Variants in GNG12 observed in about 807,000 individuals in gnomAD.
The protein encoded by GNG12 is G protein subunit gamma 12, also known as guanine nucleotide-binding protein G(I)/G(S)/G(O) subunit gamma-12.
For missense variants in GNG12, 69 were observed against 83.8 expected, an observed-to-expected ratio of 0.82 and a Z score of 0.69; for synonymous variants, 28 against 29.7, an observed-to-expected ratio of 0.94 and a Z score of 0.19.
intron 2 of GNG12, among the ~76,000 whole-genome samples, chr1:67,726,932 T>C (rs1646389818): frequency 1.3e-5 from 2 of 152,214 alleles, no homozygotes; most frequent in African/African-American, 4.8e-5. Flanking sequence ...GCTCCTCTTC[T>C]GATGTCTGTT....
intron 1 of GNG12, among the ~76,000 whole-genome samples, chr1:67,799,936 G>A (rs949900633): frequency 6.6e-6 from 1 of 151,848 alleles, no homozygotes; most frequent in Non-Finnish European, 1.5e-5. Flanking sequence ...ACATGTTTTT[G>A]TAGTTTTAGT....
chr1:67,717,377 G>C lies in GNG12; in HGVS notation c.-26-9665C>G, dbSNP rs140469514. Among the ~76,000 whole-genome samples, 160 of 152,170 alleles carry C rather than the reference G, an allele frequency of 1.1e-3. 1 individual carries two copies. Among genetic ancestry groups the C allele is most frequent in the Non-Finnish European group, 1.7e-3 (118 of 68,004 alleles). ...TAAAAAAAGGAAAAATCAGCCGGGC[G>C]TGGTGGTGCATGCCTATAGTCCCAG... On this transcript the variant is annotated intron_variant, in intron 2 of 3. Coordinates refer to ENST00000370982, the MANE Select transcript of GNG12 (RefSeq NM_018841.6).
At chr1:67,735,146 G>A (rs962113924) in intron 2 of GNG12, among the ~76,000 whole-genome samples, 2 of 152,052 alleles carry the variant, frequency 1.3e-5, no homozygotes, top group South Asian at 2.1e-4. Context: ...ATGAGCCACC[G>A]CGCCTGGCCT....
At chr1:67,748,550 T>C (rs1166124144) in intron 2 of GNG12, among the ~76,000 whole-genome samples, 3 of 152,178 alleles carry the variant, frequency 2.0e-5, no homozygotes. Flanking sequence ...GAGGAAGAAG[T>C]GCAGCGTCTT....
intron 1 of GNG12, among the ~76,000 whole-genome samples, chr1:67,820,155 G>A (rs532045212): frequency 4.7e-4 from 71 of 151,806 alleles, no homozygotes; most frequent in Middle Eastern, 3.4e-3. Flanking sequence ...TTGGGAGGCC[G>A]AGGTGGGCGG....
chr1:67,815,068 G>C (rs1646945812), intron 1 of GNG12, among the ~76,000 whole-genome samples: 1 of 152,316 alleles, frequency 6.6e-6, no homozygotes, highest in East Asian at 1.9e-4. Context: ...TCTGGAAAGT[G>C]TTACCATACA....
intron 1 of GNG12, among the ~76,000 whole-genome samples, chr1:67,827,997 C>T (rs1308162362): frequency 6.6e-6 from 1 of 152,218 alleles, no homozygotes; most frequent in East Asian, 1.9e-4. Flanking sequence ...TACCTGTTAA[C>T]TACTCTCCTG....
At chr1:67,753,895 C>T (rs759598826) in intron 2 of GNG12, among the ~76,000 whole-genome samples, 5 of 152,052 alleles carry the variant, frequency 3.3e-5, no homozygotes, top group South Asian at 2.1e-4. Context: ...GGACAGGTGG[C>T]GGGCGTTAAG....
chr1:67,746,570 T>C (rs1646508683), intron 2 of GNG12, among the ~76,000 whole-genome samples: 1 of 152,144 alleles, frequency 6.6e-6, no homozygotes, highest in African/African-American at 2.4e-5. Context: ...CACCAAGGGA[T>C]GGAGAAGTGC....
At chr1:67,804,962 A>G (rs956289577) in intron 1 of GNG12, among the ~76,000 whole-genome samples, 1 of 152,208 alleles carries the variant, frequency 6.6e-6, no homozygotes, top group African/African-American at 2.4e-5. Flanking sequence ...GAAATATACC[A>G]GAACATTCTA....
At chr1:67,741,595 G>A (rs1399145161) in intron 2 of GNG12, among the ~76,000 whole-genome samples, 1 of 152,146 alleles carries the variant, frequency 6.6e-6, no homozygotes, top group African/African-American at 2.4e-5. Flanking sequence ...ATCATCAAAG[G>A]TCTTTAATTC....
chr1:67,829,005 T>C (rs1381621106), intron 1 of GNG12, among the ~76,000 whole-genome samples: 3 of 152,252 alleles, frequency 2.0e-5, no homozygotes, highest in Non-Finnish European at 4.4e-5. Context: ...ACGCAAATTT[T>C]TTTTAGTATT....
chr1:67,808,817 T>A lies in GNG12; in HGVS notation c.-77+24527A>T, dbSNP rs1032194321. Among the ~76,000 whole-genome samples, 3 of 151,908 alleles carry A rather than the reference T, an allele frequency of 2.0e-5. No individual in the cohort carries two copies. The East Asian group carries it at 5.8e-4, about 29-fold the overall frequency. On this transcript the variant is annotated intron_variant, in intron 1 of 3. Transcript: ENST00000370982. Reference sequence around the variant, plus strand: ...CTAAGAAGATCTAAATGAAAGAGAGTCCATGTTCACAGACAGGAAAACACA... The same window carrying A: ...CTAAGAAGATCTAAATGAAAGAGAGACCATGTTCACAGACAGGAAAACACA...
In GNG12 at chr1:67,704,679, G is replaced by A. The variant is rs773143970; in HGVS notation, c.*772C>T. On this transcript the variant is annotated 3_prime_UTR_variant, in exon 4 of 4. Coordinates refer to ENST00000370982, the MANE Select transcript of GNG12 (RefSeq NM_018841.6). ...GACTCAGCATCATTGAAGCCCTAAC[G>A]GGTCCTTGTAAATTAATGTTTCATA... 1 of 152,570 alleles carries A rather than the reference G, an allele frequency of 6.6e-6. No individual in the cohort carries two copies. The highest frequency in any genetic ancestry group is 2.4e-5 in the African/African-American group (1 of 41,426). 9.5% of individuals were successfully genotyped at this position (152,570 alleles called of 1,614,324 possible).
At chr1:67,778,323 C>T (rs1185149731) in intron 1 of GNG12, among the ~76,000 whole-genome samples, 3 of 151,960 alleles carry the variant, frequency 2.0e-5, no homozygotes, top group African/African-American at 7.3e-5. Flanking sequence ...TTGAGCTAGC[C>T]ACATTTCAAG....
chr1:67,746,269 A>T (rs1380073564), intron 2 of GNG12, among the ~76,000 whole-genome samples: 1 of 152,226 alleles, frequency 6.6e-6, no homozygotes, highest in Admixed American at 6.5e-5. Context: ...CTCTCCAATA[A>T]ACTACCTGCT....
intron 2 of GNG12, among the ~76,000 whole-genome samples, chr1:67,752,022 A>T (rs754030639): frequency 6.6e-6 from 1 of 152,240 alleles, no homozygotes; most frequent in Non-Finnish European, 1.5e-5. Flanking sequence ...TTACCAAGAC[A>T]TAAGAAACTG....
At chr1:67,716,612 T>A (rs947917690) in intron 2 of GNG12, among the ~76,000 whole-genome samples, 2 of 152,194 alleles carry the variant, frequency 1.3e-5, no homozygotes, top group African/African-American at 4.8e-5. Context: ...CTCAAGATCA[T>A]GGTCTTACTT....
chr1:67,757,172 T>C (rs1281282318), intron 2 of GNG12, among the ~76,000 whole-genome samples: 3 of 152,242 alleles, frequency 2.0e-5, no homozygotes, highest in Non-Finnish European at 4.4e-5. Flanking sequence ...ATAGGCCTTA[T>C]ACACAGAGCC....
Sources: gnomAD v4.1 joint callset for allele counts (sites outside exome capture counted in the v4.1 genomes callset) on GRCh38, gnomAD v4.1.1 for gene constraint, MANE v1.5 for transcripts, NCBI Gene and HGNC (gene_info 2026-07-23, HGNC 2026-07-21) for gene names.